GALNTL6: variants seen among roughly 807,000 people sequenced by gnomAD.
GALNTL6 encodes the protein polypeptide N-acetylgalactosaminyltransferase-like 6.
GALNTL6 carries 46 observed loss-of-function variants against 73.7 expected under a neutral mutation model. That is an observed-to-expected ratio of 0.62 (90% CI 0.49 to 0.80). The LOEUF (loss-of-function observed/expected upper bound fraction) is 0.80. GALNTL6 is among the 30% of genes least tolerant of loss of function. The probability of loss-of-function intolerance (pLI) is 0.00; values close to 1 mark genes in which losing one functional copy is unlikely to be tolerated. For missense variants in GALNTL6, 604 were observed against 755.0 expected, an observed-to-expected ratio of 0.80 and a Z score of 2.34; for synonymous variants, 259 against 263.7, an observed-to-expected ratio of 0.98 and a Z score of 0.17.
chr4:172,500,495 T>A (rs986292724), intron 5 of GALNTL6, among the ~76,000 whole-genome samples: 5 of 152,120 alleles, frequency 3.3e-5, no homozygotes, highest in Non-Finnish European at 5.9e-5. Context: ...TGACACATCC[T>A]GTAAAGGAGA....
intron 2 of GALNTL6, among the ~76,000 whole-genome samples, chr4:171,938,496 G>T (rs1413008924): frequency 2.0e-5 from 3 of 152,094 alleles, no homozygotes; most frequent in African/African-American, 7.2e-5. Flanking sequence ...TTTTTACACA[G>T]TATGATACTA....
chr4:172,900,778 A>C (rs76285884), intron 8 of GALNTL6, among the ~76,000 whole-genome samples: 7,806 of 152,270 alleles, frequency 0.051, 477 homozygotes, highest in African/African-American at 0.15. Context: ...TTAAAGTATT[A>C]TTCAGAAAAT....
chr4:172,278,608 A>T (rs963774161), intron 3 of GALNTL6, among the ~76,000 whole-genome samples: 1 of 152,132 alleles, frequency 6.6e-6, no homozygotes, highest in Non-Finnish European at 1.5e-5. Context: ...AATTTCTGTT[A>T]GAGAAATTTT....
chr4:172,711,737 G>A (rs1255673851), intron 5 of GALNTL6, among the ~76,000 whole-genome samples: 1 of 152,188 alleles, frequency 6.6e-6, no homozygotes, highest in Admixed American at 6.5e-5. Flanking sequence ...CAGGTATGCA[G>A]ATGGACTTCA....
chr4:172,513,953 G>A (rs1184650466), intron 5 of GALNTL6, among the ~76,000 whole-genome samples: 1 of 151,560 alleles, frequency 6.6e-6, no homozygotes, highest in Non-Finnish European at 1.5e-5. Context: ...AGATGTTACA[G>A]GTGGTAAAGT....
intron 5 of GALNTL6, among the ~76,000 whole-genome samples, chr4:172,621,015 C>T (rs901512238): frequency 2.5e-4 from 38 of 152,288 alleles, no homozygotes; most frequent in African/African-American, 8.2e-4. Flanking sequence ...ATAAGATGCC[C>T]TCTGTCAGGG....
At chr4:172,299,619 T>C (rs1354481843) in intron 3 of GALNTL6, among the ~76,000 whole-genome samples, 2 of 152,244 alleles carry the variant, frequency 1.3e-5, no homozygotes, top group Non-Finnish European at 2.9e-5. Flanking sequence ...CTTCATTTCG[T>C]TATGTACCCA....
intron 2 of GALNTL6, among the ~76,000 whole-genome samples, chr4:171,987,086 G>A (rs995848431): frequency 6.6e-6 from 1 of 152,166 alleles, no homozygotes; most frequent in South Asian, 2.1e-4. Flanking sequence ...TGAGACTGGG[G>A]CCTAATAAAA....
At chr4:172,426,911 G>A (rs1731250770) in intron 5 of GALNTL6, among the ~76,000 whole-genome samples, 1 of 61,618 alleles carries the variant, frequency 1.6e-5, no homozygotes, top group East Asian at 3.5e-4. Flanking sequence ...CTTATGTAAG[G>A]ACTCTTATAT....
intron 2 of GALNTL6, among the ~76,000 whole-genome samples, chr4:171,934,123 A>G (rs969203548): frequency 1.3e-5 from 2 of 152,196 alleles, no homozygotes; most frequent in Non-Finnish European, 2.9e-5. Flanking sequence ...AGGCTAGTGT[A>G]TCTCATATCA....
chr4:172,350,185 T>C (rs530739647), intron 5 of GALNTL6, among the ~76,000 whole-genome samples: 60 of 151,002 alleles, frequency 4.0e-4, no homozygotes, highest in African/African-American at 1.3e-3. Flanking sequence ...CTAGGAGAAA[T>C]AGGCCAGTGT....
chr4:171,968,521 A>G (rs904305625), intron 2 of GALNTL6, among the ~76,000 whole-genome samples: 6 of 152,200 alleles, frequency 3.9e-5, no homozygotes, highest in Admixed American at 6.5e-5. Context: ...TAGGGCTTAC[A>G]CTAATCCAGC....
intron 12 of GALNTL6, among the ~76,000 whole-genome samples, chr4:173,036,584 G>GCAAAA (rs551517645): frequency 2.6e-5 from 4 of 152,078 alleles, no homozygotes; most frequent in East Asian, 1.9e-4. Context: ...ATTTTCTCAG[G>GCAAAA]CAAAACAAAA....
chr4:172,885,924 T>G (rs1745697502), intron 8 of GALNTL6, among the ~76,000 whole-genome samples: 1 of 152,200 alleles, frequency 6.6e-6, no homozygotes, highest in South Asian at 2.1e-4. Flanking sequence ...TTATGGTGAA[T>G]GTTCTTTTTA....
At chr4:172,688,491 T>A (rs1055342404) in intron 5 of GALNTL6, among the ~76,000 whole-genome samples, 7 of 152,196 alleles carry the variant, frequency 4.6e-5, no homozygotes, top group African/African-American at 1.7e-4. Flanking sequence ...GGACCTCCAC[T>A]TAAAGAGCTA....
At position 171,991,297 on chromosome 4, in the gene GALNTL6, G is replaced by A. The variant is rs187877038; in HGVS notation, c.138+176579G>A. Among the ~76,000 whole-genome samples, 282 of 152,114 alleles carry A rather than the reference G, an allele frequency of 1.9e-3. 1 individual carries two copies. The highest frequency in any genetic ancestry group is 3.4e-3 in the Middle Eastern group (1 of 294). On this transcript the variant is annotated intron_variant, in intron 2 of 12. Transcript: ENST00000506823. Reference sequence around the variant, plus strand: ...TATGAATAGGAAGGTGTTAAAGCAAGAATATAAATTTTCCAAAATGTATGC... The same window carrying A: ...TATGAATAGGAAGGTGTTAAAGCAAAAATATAAATTTTCCAAAATGTATGC...
chr4:172,282,448 A>G (rs1739094424), intron 3 of GALNTL6, among the ~76,000 whole-genome samples: 1 of 152,190 alleles, frequency 6.6e-6, no homozygotes, highest in Non-Finnish European at 1.5e-5. Flanking sequence ...GTTTAGCAAT[A>G]TGTTATAAAT....
chr4:172,546,028 A>C (rs919542090), intron 5 of GALNTL6, among the ~76,000 whole-genome samples: 1 of 152,218 alleles, frequency 6.6e-6, no homozygotes, highest in Admixed American at 6.5e-5. Flanking sequence ...TGTTTTAAAT[A>C]CATGTGTATA....
intron 2 of GALNTL6, among the ~76,000 whole-genome samples, chr4:171,933,406 A>G (rs993452057): frequency 6.6e-6 from 1 of 152,222 alleles, no homozygotes; most frequent in African/African-American, 2.4e-5. Context: ...TTTCATATAG[A>G]CAAATGAGTT....
Sources: gnomAD v4.1 joint callset for allele counts (sites outside exome capture counted in the v4.1 genomes callset) on GRCh38, gnomAD v4.1.1 for gene constraint, MANE v1.5 for transcripts, NCBI Gene and HGNC (gene_info 2026-07-23, HGNC 2026-07-21) for gene names.